The following OTUD7B variants were observed in gnomAD, a reference collection of about 807,000 sequenced individuals.
OTUD7B encodes OTU deubiquitinase 7B.
In OTUD7B, 34 loss-of-function variants were observed where a neutral mutation model predicts 82.2. The observed-to-expected ratio is 0.41, with a 90% confidence interval of 0.31 to 0.55. The LOEUF (loss-of-function observed/expected upper bound fraction) is 0.55. Among genes scored for constraint, OTUD7B ranks in the 20% least tolerant of loss-of-function variants. The probability of loss-of-function intolerance (pLI) is 0.20; values close to 1 mark genes in which losing one functional copy is unlikely to be tolerated. For synonymous variants in OTUD7B, 398 were observed against 402.7 expected, an observed-to-expected ratio of 0.99 and a Z score of 0.14; for missense variants, 944 against 1,062.1, an observed-to-expected ratio of 0.89 and a Z score of 1.55.
intron 1 of OTUD7B, among the ~76,000 whole-genome samples, chr1:149,990,924 G>C (rs1301549285): frequency 1.3e-5 from 2 of 151,656 alleles, no homozygotes; most frequent in Non-Finnish European, 2.9e-5. Flanking sequence ...CTGGGAGGCA[G>C]AGGTTGCAGT....
Position 149,939,279 on chromosome 1 carries a change from C to T in OTUD7B, c.*4578G>A, listed in dbSNP as rs1392530217. ...CACAGAAAGAGGCCAAGGTCCTTCCCACCCCTACTCCTCTTAACTGCTGCC... is the reference window on the plus strand; with the variant it reads ...CACAGAAAGAGGCCAAGGTCCTTCCTACCCCTACTCCTCTTAACTGCTGCC... On this transcript the variant is annotated 3_prime_UTR_variant, in exon 12 of 12. Coordinates refer to ENST00000581312, the MANE Select transcript of OTUD7B (RefSeq NM_020205.4). 2.0e-5 allele frequency: 3 copies of T among 152,250 alleles called. No individual in the cohort carries two copies. Among genetic ancestry groups the T allele is most frequent in the African/African-American group, 7.2e-5 (3 of 41,418 alleles). 9.4% of individuals were successfully genotyped at this position (152,250 alleles called of 1,614,324 possible). A position where few individuals can be genotyped will look rare whatever the true frequency, so the allele number is the denominator to read the frequency against.
the OTUD7B span, among the ~76,000 whole-genome samples, chr1:150,049,123 C>G: frequency 1.8e-4 from 28 of 152,302 alleles, no homozygotes; most frequent in Non-Finnish European, 1.9e-4. Flanking sequence ...CAGGTGTGAG[C>G]CACCATGCCC....
At chr1:150,049,816 G>C in the OTUD7B span, among the ~76,000 whole-genome samples, 2 of 151,850 alleles carry the variant, frequency 1.3e-5, no homozygotes, top group Middle Eastern at 3.2e-3. Flanking sequence ...GAACTACTGG[G>C]CTCCGCCTTG....
At chr1:149,987,539 G>A (rs782185480) in intron 1 of OTUD7B, among the ~76,000 whole-genome samples, 1 of 152,154 alleles carries the variant, frequency 6.6e-6, no homozygotes, top group Non-Finnish European at 1.5e-5. Flanking sequence ...AAGCCTTAGG[G>A]CAGCTTATTG....
rs782534520 is a variant in OTUD7B, at chr1:149,971,014, C to A, written c.274+49G>T. Reference sequence around the variant, plus strand: ...AGACTTTATGACTCCATTTAACAATCCCCTCCCTTCCTACTCCATATACGG... The same window carrying A: ...AGACTTTATGACTCCATTTAACAATACCCTCCCTTCCTACTCCATATACGG... On this transcript the variant is annotated intron_variant, in intron 3 of 11. Coordinates refer to ENST00000581312, the MANE Select transcript of OTUD7B (RefSeq NM_020205.4). The A allele has an allele frequency of 2.1e-6, 3 of 1,415,566 alleles. No homozygotes were observed. In the Admixed American group the frequency reaches 6.4e-5, roughly 30 times the overall value. The allele number at this position is 1,415,566 out of a possible 1,614,324, so 87.7% of individuals were successfully genotyped here.
intron 1 of OTUD7B, among the ~76,000 whole-genome samples, chr1:149,982,841 CTTTT>C (rs34122678): frequency 5.9e-5 from 5 of 84,174 alleles, no homozygotes; most frequent in Non-Finnish European, 1.0e-4. Flanking sequence ...TCCTCTCTTA[CTTTT>C]TTTTTTTTTT....
chr1:149,978,362 C>A, intron 1 of OTUD7B, among the ~76,000 whole-genome samples: 1 of 152,088 alleles, frequency 6.6e-6, no homozygotes, highest in East Asian at 1.9e-4. Context: ...CAAAAATTAG[C>A]CAGGCATGAT....
At chr1:150,054,370 T>C in the OTUD7B span, 2 of 538,146 alleles carry the variant, frequency 3.7e-6, no homozygotes, top group South Asian at 2.9e-5. Flanking sequence ...AGCTGGCTAG[T>C]GGCTGGTTAC....
the OTUD7B span, among the ~76,000 whole-genome samples, chr1:150,050,986 T>A: frequency 6.6e-6 from 1 of 151,330 alleles, no homozygotes; most frequent in Non-Finnish European, 1.5e-5. Flanking sequence ...TCCAGCACTT[T>A]GGGAGGCCAA....
chr1:150,025,818 T>C, the OTUD7B span, among the ~76,000 whole-genome samples: 2 of 152,208 alleles, frequency 1.3e-5, no homozygotes, highest in Non-Finnish European at 2.9e-5. Context: ...GAGCAATTAT[T>C]GTGGCAGGGA....
chr1:149,999,372 G>A (rs1263561639), intron 1 of OTUD7B, among the ~76,000 whole-genome samples: 1 of 152,126 alleles, frequency 6.6e-6, no homozygotes, highest in African/African-American at 2.4e-5. Flanking sequence ...CTAAGAAGGG[G>A]TATGGAAAGT....
intron 9 of OTUD7B, 98 bp downstream of exon 9, chr1:149,949,531 T>G: frequency 7.9e-7 from 1 of 1,258,068 alleles, no homozygotes; most frequent in Non-Finnish European, 1.1e-6. Context: ...ATGTGCTGTC[T>G]GGGCTTGCAT....
the OTUD7B span, among the ~76,000 whole-genome samples, chr1:150,032,465 G>A: frequency 7.8e-4 from 67 of 85,736 alleles, no homozygotes; most frequent in African/African-American, 9.5e-4. Context: ...CCTGTCTACA[G>A]AAAAAAAAAA....
intron 1 of OTUD7B, among the ~76,000 whole-genome samples, chr1:150,007,445 C>T (rs1381633611): frequency 2.6e-5 from 4 of 152,158 alleles, no homozygotes; most frequent in African/African-American, 9.7e-5. Context: ...TCTTCTCAGC[C>T]CTTACATACT....
chr1:149,956,857 G>A (rs373912098), intron 7 of OTUD7B, among the ~76,000 whole-genome samples: 1 of 152,176 alleles, frequency 6.6e-6, no homozygotes, highest in Non-Finnish European at 1.5e-5. Flanking sequence ...GCGTCACATA[G>A]TTCTTATGCC....
chr1:149,992,461 G>A (rs1651637213), intron 1 of OTUD7B, among the ~76,000 whole-genome samples: 1 of 128,178 alleles, frequency 7.8e-6, no homozygotes, highest in Non-Finnish European at 1.6e-5. Context: ...TGTTTTGTGT[G>A]CATGTGTTTT....
the OTUD7B span, among the ~76,000 whole-genome samples, chr1:150,059,347 C>T: frequency 2.1e-4 from 22 of 106,960 alleles, no homozygotes; most frequent in African/African-American, 6.5e-4. Context: ...CATGAGCCAC[C>T]GCACCTGGCC....
chr1:149,943,894 C>G lies in OTUD7B; in HGVS notation c.2495G>C (p.Arg832Pro). The G allele has an allele frequency of 1.2e-6, 2 of 1,614,254 alleles. No homozygotes were observed. The highest frequency in any genetic ancestry group is 2.2e-5 in the South Asian group (2 of 91,090). Residue 832 changes from arginine (R) to proline (P), a missense_variant, in exon 12 of 12, where the codon CGG becomes CCG. By Grantham distance (103) the Arg-to-Pro change is moderately radical. This residue lies in a region of OTUD7B where 412 missense variants were observed against 418.7 expected (regional missense o/e 0.98). Transcript: ENST00000581312. The stretch of plus-strand genomic sequence containing the variant: ...CACCAGGAGCTCCCCATCCGGTTCC[C>G]GCTCCCTCCTCCTCAGTTCTTCCCT... ...CYREELRRRE[R>P]EPDGELLVHR...
At chr1:150,031,661 C>T in the OTUD7B span, among the ~76,000 whole-genome samples, 2 of 152,154 alleles carry the variant, frequency 1.3e-5, no homozygotes, top group African/African-American at 4.8e-5. Flanking sequence ...TAGTTAAGAG[C>T]CCAGACTCTG....
Sources: gnomAD v4.1 joint callset for allele counts (sites outside exome capture counted in the v4.1 genomes callset) on GRCh38, gnomAD v4.1.1 for gene constraint, gnomAD v4.1.1 regional missense constraint, MANE v1.5 for transcripts, NCBI Gene and HGNC (gene_info 2026-07-23, HGNC 2026-07-21) for gene names.